The following SLC25A24 variants were observed in gnomAD, a reference collection of about 807,000 sequenced individuals.
The protein encoded by SLC25A24 is mitochondrial adenyl nucleotide antiporter SLC25A24.
A neutral mutation model predicts 60.7 loss-of-function variants in SLC25A24; 49 were observed. The ratio of observed to expected loss-of-function variants is 0.81; its 90% CI spans 0.64 to 1.02. The LOEUF is 1.02. Among genes scored for constraint, SLC25A24 ranks in the 50% least tolerant of loss-of-function variants. The probability of loss-of-function intolerance (pLI) is 0.00; values close to 1 mark genes in which losing one functional copy is unlikely to be tolerated. For missense variants in SLC25A24, 564 were observed against 586.3 expected (o/e 0.96, Z 0.39); for synonymous variants, 202 against 200.6 (o/e 1.01, Z -0.06).
At chr1:108,190,743 C>T (rs1170608542) in intron 1 of SLC25A24, among the ~76,000 whole-genome samples, 1 of 90,250 alleles carries the variant, frequency 1.1e-5, no homozygotes, top group Non-Finnish European at 2.5e-5. Flanking sequence ...ACAAATTTTC[C>T]TACTGGGGAG....
rs862493 is a variant in SLC25A24 at position 108,185,862 on chromosome 1, T to C, written c.276A>G (p.Lys92=). The change falls in exon 2 of 10, where the codon AAA becomes AAG. Residue 92 remains lysine (K), a synonymous_variant. Coordinates refer to ENST00000565488, the MANE Select transcript of SLC25A24 (RefSeq NM_013386.5). Reference sequence around the variant, plus strand: ...TTTTGTCTAAACTCTTAAATGCCAATTTCATTTTCTTCTCATGGTCTTTAA... The same window carrying C: ...TTTTGTCTAAACTCTTAAATGCCAACTTCATTTTCTTCTCATGGTCTTTAA... ...KYLKDHEKKM[K]LAFKSLDKNN... 0.2 allele frequency: 316,155 copies of C among 1,582,656 alleles called. 32,719 individuals carry two copies. The highest frequency in any genetic ancestry group is 0.22 in the Middle Eastern group (1,323 of 5,994).
At chr1:108,154,022 C>T (rs1015103082) in intron 6 of SLC25A24, among the ~76,000 whole-genome samples, 1 of 151,592 alleles carries the variant, frequency 6.6e-6, no homozygotes, top group Admixed American at 6.6e-5. Context: ...AGGAAAATAG[C>T]CTTCCCAAGG....
intron 2 of SLC25A24, among the ~76,000 whole-genome samples, chr1:108,183,062 A>G (rs1647985665): frequency 6.6e-6 from 1 of 152,326 alleles, no homozygotes; most frequent in Admixed American, 6.5e-5. Context: ...GAATCCTAAG[A>G]CTACTGTACA....
chr1:108,134,112 T>C lies in SLC25A24; in HGVS notation c.*2541A>G, dbSNP rs1030736284. 1 of 152,202 alleles carries C rather than the reference T, an allele frequency of 6.6e-6. No homozygotes were observed. The highest frequency in any genetic ancestry group is 1.5e-5 in the Non-Finnish European group (1 of 68,044). The allele number at this position is 152,202 out of a possible 1,614,324, so 9.4% of individuals were successfully genotyped here. A position where few individuals can be genotyped will look rare whatever the true frequency, so the allele number is the denominator to read the frequency against. Reference sequence around the variant, plus strand: ...TAGGTGAGAAACAAATATGGCAGCATTTTTCTAACAAAGATTCCCTGAGAA... The same window carrying C: ...TAGGTGAGAAACAAATATGGCAGCACTTTTCTAACAAAGATTCCCTGAGAA... On this transcript the variant is annotated 3_prime_UTR_variant, in exon 10 of 10. Transcript: ENST00000565488.
chr1:108,157,950 T>G (rs1222132995), intron 4 of SLC25A24, among the ~76,000 whole-genome samples: 1 of 151,220 alleles, frequency 6.6e-6, no homozygotes, highest in Non-Finnish European at 1.5e-5. Context: ...TAGTCAATCT[T>G]TTTTATTGCA....
Position 108,187,927 on chromosome 1 carries a change from G to GATATATATATATATATATATATAT in SLC25A24, c.184-1974_184-1973insATATATATATATATATATATATAT, listed in dbSNP as rs57513025. 7.3e-3 allele frequency among the ~76,000 whole-genome samples: 695 copies of GATATATATATATATATATATATAT among 95,604 alleles called. 25 individuals are homozygous for GATATATATATATATATATATATAT. Among genetic ancestry groups the GATATATATATATATATATATATAT allele is most frequent in the African/African-American group, 0.022 (534 of 23,920 alleles). The allele number at this position is 95,604 out of a possible 152,430, so 62.7% of individuals were successfully genotyped here. A position where few individuals can be genotyped will look rare whatever the true frequency, so the allele number is the denominator to read the frequency against. ...TACACGAAATGGATAAGACATTATA[G>GATATATATATATATATATATATAT]ATATATATATATATATATTCATGCA... On this transcript the variant is annotated intron_variant, in intron 1 of 9. Coordinates refer to ENST00000565488, the MANE Select transcript of SLC25A24 (RefSeq NM_013386.5).
At chr1:108,141,773 A>G (rs918864816) in intron 8 of SLC25A24, among the ~76,000 whole-genome samples, 8 of 152,206 alleles carry the variant, frequency 5.3e-5, no homozygotes, top group Non-Finnish European at 1.2e-4. Flanking sequence ...AAAGAGAAAT[A>G]CCACATGATT....
chr1:108,187,139 G>A (rs76016050), intron 1 of SLC25A24, among the ~76,000 whole-genome samples: 7,860 of 151,874 alleles, frequency 0.052, 277 homozygotes, highest in South Asian at 0.1. Context: ...CATGGTCATG[G>A]TCAGATCTCC....
chr1:108,152,398 A>C (rs1029984488), intron 6 of SLC25A24, among the ~76,000 whole-genome samples: 2 of 151,748 alleles, frequency 1.3e-5, no homozygotes, highest in African/African-American at 4.8e-5. Context: ...ACAAGGTCTC[A>C]TTCTATCACC....
At chr1:108,185,320 T>TA (rs1648082173) in intron 2 of SLC25A24, among the ~76,000 whole-genome samples, 2 of 152,318 alleles carry the variant, frequency 1.3e-5, no homozygotes, top group South Asian at 4.1e-4. Flanking sequence ...GGTACACACT[T>TA]AAACGTTTAT....
intron 1 of SLC25A24, among the ~76,000 whole-genome samples, chr1:108,187,670 G>A (rs1041415315): frequency 1.3e-5 from 2 of 151,720 alleles, no homozygotes; most frequent in East Asian, 1.9e-4. Flanking sequence ...AAGAAAAATC[G>A]AGGACCCCAT....
chr1:108,143,193 G>A (rs1679491488), intron 8 of SLC25A24, among the ~76,000 whole-genome samples: 1 of 152,186 alleles, frequency 6.6e-6, no homozygotes, highest in Non-Finnish European at 1.5e-5. Context: ...TTCCGTACAA[G>A]GAATGAAACT....
At position 108,192,954 on chromosome 1, in the gene SLC25A24, C is replaced by A. The variant is rs149053544; in HGVS notation, c.184-7000G>T. 4.6e-3 allele frequency: 1,073 copies of A among 233,654 alleles called. 100 individuals carry two copies. Among genetic ancestry groups the A allele is most frequent in the African/African-American group, 0.023 (1,023 of 44,898 alleles). 14.5% of individuals were successfully genotyped at this position (233,654 alleles called of 1,614,324 possible). A position where few individuals can be genotyped will look rare whatever the true frequency, so the allele number is the denominator to read the frequency against. On this transcript the variant is annotated intron_variant, in intron 1 of 9. Coordinates refer to ENST00000565488, the MANE Select transcript of SLC25A24 (RefSeq NM_013386.5). ...GCTCCCACTCCAGGAAGAGTCCAGT[C>A]GGGGCAACTCAAGCCCCTTTCCCCA...
At chr1:108,195,980 A>G (rs1483033058) in intron 1 of SLC25A24, among the ~76,000 whole-genome samples, 2 of 149,062 alleles carry the variant, frequency 1.3e-5, no homozygotes, top group Non-Finnish European at 3.0e-5. Context: ...AGCCTTGGTG[A>G]TAGAGCAAGA....
chr1:108,168,792 A>G (rs1647328128), intron 3 of SLC25A24, among the ~76,000 whole-genome samples: 1 of 152,158 alleles, frequency 6.6e-6, no homozygotes, highest in Non-Finnish European at 1.5e-5. Context: ...TTTCCACTCT[A>G]TGCTGTCCAA....
At position 108,160,887 on chromosome 1, in the gene SLC25A24, C is replaced by G. The variant is rs555178220; in HGVS notation, c.510+295G>C. On this transcript the variant is annotated intron_variant, in intron 4 of 9. Coordinates refer to ENST00000565488, the MANE Select transcript of SLC25A24 (RefSeq NM_013386.5). The stretch of plus-strand genomic sequence containing the variant: ...ATCAGGCAGGGAGGTTGCAGTGAGC[C>G]GAGATGGCAGCAGTACAGTCCAGCT... 4.8e-3 allele frequency among the ~76,000 whole-genome samples: 729 copies of G among 152,166 alleles called. 4 individuals are homozygous for G. The highest frequency in any genetic ancestry group is 0.016 in the African/African-American group (663 of 41,516).
At chr1:108,138,209 C>G (rs1227984612) in intron 9 of SLC25A24, among the ~76,000 whole-genome samples, 1 of 152,186 alleles carries the variant, frequency 6.6e-6, no homozygotes, top group Non-Finnish European at 1.5e-5. Flanking sequence ...CCACACCTGA[C>G]TTGTTGACTG....
rs184792892 is a variant in SLC25A24 at position 108,140,997 on chromosome 1, T to C, written c.1099-1789A>G. Among the ~76,000 whole-genome samples the C allele has an allele frequency of 8.5e-5, 13 of 152,224 alleles. No individual in the cohort carries two copies. The East Asian group carries it at 2.5e-3, about 29-fold the overall frequency. On this transcript the variant is annotated intron_variant, in intron 8 of 9. Transcript: ENST00000565488. ...AAATCCCCTAATTAAAAGATATAAA[T>C]TGCTGAGTGAATAACACATACAGAA... is the stretch of plus-strand genomic sequence containing the variant.
intron 3 of SLC25A24, 93 bp downstream of exon 3, chr1:108,181,827 TGGATATACATAATGAAGACTA>T (rs1473395653): frequency 2.7e-6 from 2 of 735,100 alleles, no homozygotes; most frequent in East Asian, 2.5e-5. Flanking sequence ...AAAAAGATCT[TGGATATACATAATGAAGACTA>T]GGGAGGTGTT....
Sources: allele counts gnomAD v4.1 joint callset (sites outside exome capture counted in the v4.1 genomes callset), GRCh38; gene constraint gnomAD v4.1.1; transcripts MANE v1.5; gene names NCBI Gene and HGNC (gene_info 2026-07-23, HGNC 2026-07-21).